Variants in GREB1 observed in about 807,000 individuals in gnomAD.
GREB1 encodes protein GREB1.
In GREB1, 106 loss-of-function variants were observed where a neutral mutation model predicts 200.7. That is an observed-to-expected ratio of 0.53 (90% CI 0.45 to 0.62). GREB1 has a LOEUF of 0.62. GREB1 is among the 20% of genes least tolerant of loss of function. The probability of loss-of-function intolerance (pLI) is 0.00; values close to 1 mark genes in which losing one functional copy is unlikely to be tolerated. For missense variants in GREB1, 2,243 were observed against 2,556.8 expected (o/e 0.88, Z 2.65); for synonymous variants, 1,132 against 1,092.4 (o/e 1.04, Z -0.72).
chr2:11,618,645 C>T lies in GREB1; in HGVS notation c.3770C>T (p.Pro1257Leu). The part of the protein sequence containing the change: ...CSLTKACRQP[P>L]IVFLPKLVYD... ...TTGACCAAGGCCTGCCGCCAGCCACCCATTGTCTTCTTGCCCAAGCTCGTG... is the reference window on the plus strand; with the variant it reads ...TTGACCAAGGCCTGCCGCCAGCCACTCATTGTCTTCTTGCCCAAGCTCGTG... Residue 1257 changes from proline (P) to leucine (L), a missense_variant, in exon 22 of 33, where the codon CCC becomes CTC. This residue lies in a region of GREB1 where 587 missense variants were observed against 553.1 expected (regional missense o/e 1.06). Coordinates refer to ENST00000381486, the MANE Select transcript of GREB1 (RefSeq NM_014668.4). The T allele has an allele frequency of 1.9e-6, 3 of 1,613,638 alleles. No homozygotes were observed. Among genetic ancestry groups the T allele is most frequent in the Non-Finnish European group, 2.5e-6 (3 of 1,179,962 alleles).
At chr2:11,594,149 T>C (rs1044605062) in intron 11 of GREB1, among the ~76,000 whole-genome samples, 3 of 152,060 alleles carry the variant, frequency 2.0e-5, no homozygotes, top group Admixed American at 6.6e-5. Flanking sequence ...CTGGAACTAC[T>C]ACAGGTGTGC....
At chr2:11,486,639 G>A (rs545723747) in intron 1 of GREB1, among the ~76,000 whole-genome samples, 8 of 152,200 alleles carry the variant, frequency 5.3e-5, no homozygotes, top group Middle Eastern at 3.4e-3. Context: ...AGGCTGAGGC[G>A]GGTGGGTCAC....
intron 1 of GREB1, among the ~76,000 whole-genome samples, chr2:11,483,078 G>A (rs994170656): frequency 6.6e-6 from 1 of 151,866 alleles, no homozygotes; most frequent in African/African-American, 2.4e-5. Context: ...CCGGACGCGG[G>A]CACTTCCTGG....
chr2:11,539,043 C>CCTCCT (rs1674531743), intron 1 of GREB1, among the ~76,000 whole-genome samples: 22 of 135,528 alleles, frequency 1.6e-4, no homozygotes, highest in African/African-American at 5.3e-4. Flanking sequence ...CTTCTCTTCT[C>CCTCCT]TTCTCTTCTC....
intron 4 of GREB1, among the ~76,000 whole-genome samples, chr2:11,567,630 G>A (rs1219012836): frequency 2.6e-5 from 4 of 152,156 alleles, no homozygotes; most frequent in South Asian, 2.1e-4. Context: ...TCCAGCCACC[G>A]GCACCACTAG....
intron 9 of GREB1, among the ~76,000 whole-genome samples, chr2:11,587,111 CG>C (rs1173866561): frequency 6.6e-6 from 1 of 152,144 alleles, no homozygotes; most frequent in Non-Finnish European, 1.5e-5. Context: ...ACTGTCCTCT[CG>C]GTTCTCAGGC....
intron 5 of GREB1, among the ~76,000 whole-genome samples, chr2:11,578,034 T>G (rs1280075643): frequency 6.6e-6 from 1 of 152,200 alleles, no homozygotes. Flanking sequence ...GTGACTTATT[T>G]GTGTAATTTT....
At chr2:11,484,253 T>G (rs1362215944) in intron 1 of GREB1, among the ~76,000 whole-genome samples, 1 of 152,244 alleles carries the variant, frequency 6.6e-6, no homozygotes, top group East Asian at 1.9e-4. Context: ...CAGAAAAGTA[T>G]GTTTCTAGGA....
chr2:11,529,018 T>C (rs1321747062), intron 1 of GREB1, among the ~76,000 whole-genome samples: 3 of 152,216 alleles, frequency 2.0e-5, no homozygotes, highest in Non-Finnish European at 4.4e-5. Flanking sequence ...CCACAGTGAC[T>C]TTGAAAGTTC....
chr2:11,566,472 C>A lies in GREB1; in HGVS notation c.278-8C>A, dbSNP rs552657492. ...GGGCAGCGTGTGAACCCTGTCCACC[C>A]CTCCTAGGGTTTTGCCAGGCCGGGA... On this transcript the variant is annotated splice_polypyrimidine_tract_variant and splice_region_variant and intron_variant, in intron 3 of 32. Coordinates refer to ENST00000381486, the MANE Select transcript of GREB1 (RefSeq NM_014668.4). The A allele has an allele frequency of 1.3e-6, 2 of 1,597,868 alleles. No homozygotes were observed. The highest frequency in any genetic ancestry group is 4.5e-5 in the East Asian group (2 of 44,646).
intron 18 of GREB1, 97 bp downstream of exon 18, chr2:11,611,124 T>G: frequency 9.7e-7 from 1 of 1,035,676 alleles, no homozygotes; most frequent in Non-Finnish European, 1.4e-6. Context: ...CCCCACAGCG[T>G]GGCCAACGTG....
rs778339661 is a variant in GREB1 at position 11,615,290 on chromosome 2, G to A, written c.3322G>A (p.Gly1108Ser). ...DNEDEELGTE[G>S]STSEKRSPMK... ...CGAGGATGAGGAGCTGGGGACAGAA[G>A]GTGAGGGATGGCTGCCCTCAGCCTA... Residue 1108 changes from glycine (G) to serine (S), a missense_variant and splice_region_variant, in exon 20 of 33, where the codon GGC (glycine) becomes AGC (serine). By Grantham distance (56) the Gly-to-Ser change is moderately conservative. Coordinates refer to ENST00000381486, the MANE Select transcript of GREB1 (RefSeq NM_014668.4). 1.9e-6 allele frequency: 3 copies of A among 1,574,976 alleles called. No homozygotes were observed. The Admixed American group carries it at 5.6e-5, about 29-fold the overall frequency.
Position 11,618,849 on chromosome 2 carries a change from A to G in GREB1, c.3974A>G (p.Tyr1325Cys), listed in dbSNP as rs1484956168. The G allele has an allele frequency of 1.3e-6, 2 of 1,598,234 alleles. No homozygotes were observed. Among genetic ancestry groups the G allele is most frequent in the African/African-American group, 1.3e-5 (1 of 74,844 alleles). The change falls in exon 22 of 33, where the codon TAC becomes TGC. Residue 1325 changes from tyrosine (Y) to cysteine (C), a missense_variant. Physicochemically the swap from Tyr to Cys is radical, Grantham distance 194. Around this residue, in one of 3 missense-constraint regions of GREB1, gnomAD observed 587 missense variants for 553.1 expected, o/e 1.06. Transcript: ENST00000381486. ...GTGCCCCGGCCCAGCCACATGGACT[A>G]CGGCAACCGGGCCGAGGGCCGCGTG... ...WTVPRPSHMD[Y>C]GNRAEGRVDG...
At chr2:11,570,924 C>T (rs998080508) in intron 4 of GREB1, among the ~76,000 whole-genome samples, 1 of 152,132 alleles carries the variant, frequency 6.6e-6, no homozygotes, top group African/African-American at 2.4e-5. Flanking sequence ...GACCCCTGCC[C>T]CACTTCCTGT....
chr2:11,545,220 C>T (rs775154471), intron 1 of GREB1, among the ~76,000 whole-genome samples: 2 of 152,024 alleles, frequency 1.3e-5, no homozygotes, highest in Non-Finnish European at 2.9e-5. Context: ...CTGCAACCTT[C>T]GCCTCCCAGG....
At chr2:11,558,875 G>C (rs569109180) in intron 2 of GREB1, among the ~76,000 whole-genome samples, 1 of 152,266 alleles carries the variant, frequency 6.6e-6, no homozygotes, top group African/African-American at 2.4e-5. Context: ...GTATTTGTGA[G>C]GGGGATTTAA....
rs1339810884 is a variant in GREB1 at position 11,618,409 on chromosome 2, G to A, written c.3534G>A (p.Arg1178=). 3.7e-6 allele frequency: 6 copies of A among 1,610,414 alleles called. No homozygotes were observed. Among genetic ancestry groups the A allele is most frequent in the Non-Finnish European group, 1.7e-6 (2 of 1,178,904 alleles). The change falls in exon 22 of 33, where the codon AGG becomes AGA. Residue 1178 remains arginine (R), a synonymous_variant. Coordinates refer to ENST00000381486, the MANE Select transcript of GREB1 (RefSeq NM_014668.4). ...EEGRAPGEKQ[R]PRASQGPPSA... ...GCAGAGCCCCTGGTGAGAAACAGAG[G>A]CCCCGGGCAAGTCAGGGGCCACCCT...
intron 4 of GREB1, among the ~76,000 whole-genome samples, chr2:11,568,602 G>A (rs963791687): frequency 6.6e-6 from 1 of 152,268 alleles, no homozygotes; most frequent in Admixed American, 6.5e-5. Flanking sequence ...ATGCCTGGTG[G>A]CCACCTTAGC....
chr2:11,624,269 G>A (rs1481451284), intron 23 of GREB1, among the ~76,000 whole-genome samples: 1 of 151,514 alleles, frequency 6.6e-6, no homozygotes, highest in Non-Finnish European at 1.5e-5. Flanking sequence ...TGGGTGCCCG[G>A]TACAGTGCAC....
Sources: gnomAD v4.1 joint callset for allele counts (sites outside exome capture counted in the v4.1 genomes callset) on GRCh38, gnomAD v4.1.1 for gene constraint, gnomAD v4.1.1 regional missense constraint, MANE v1.5 for transcripts, NCBI Gene and HGNC (gene_info 2026-07-23, HGNC 2026-07-21) for gene names.